NFIA: variants seen among roughly 807,000 people sequenced by gnomAD.
The protein encoded by NFIA is nuclear factor 1 A-type.
A neutral mutation model predicts 62.8 loss-of-function variants in NFIA; 8 were observed. That is an observed-to-expected ratio of 0.13 (90% CI 0.07 to 0.23). The LOEUF is 0.23. NFIA is among the 10% of genes least tolerant of loss of function. The pLI is 1.00. For synonymous variants in NFIA, 235 were observed against 238.1 expected, an observed-to-expected ratio of 0.99 and a Z score of 0.12; for missense variants, 410 against 642.1, an observed-to-expected ratio of 0.64 and a Z score of 3.91.
intron 6 of NFIA, among the ~76,000 whole-genome samples, chr1:61,361,829 G>A (rs1057351043): frequency 1.2e-4 from 16 of 134,998 alleles, no homozygotes; most frequent in African/African-American, 3.5e-4. Context: ...GTGTGTGTAC[G>A]TACACATATA....
At chr1:61,311,871 TA>T (rs1422662050) in intron 3 of NFIA, among the ~76,000 whole-genome samples, 3 of 152,204 alleles carry the variant, frequency 2.0e-5, no homozygotes, top group Admixed American at 6.5e-5. Flanking sequence ...TTCAGTATTA[TA>T]AAATAATCCA....
intron 3 of NFIA, among the ~76,000 whole-genome samples, chr1:61,283,167 T>G (rs561533762): frequency 6.6e-6 from 1 of 152,236 alleles, no homozygotes; most frequent in Non-Finnish European, 1.5e-5. Context: ...GAACAAGGAA[T>G]GTACTTCTTT....
rs570773595 is a variant in NFIA at position 61,323,959 on chromosome 1, T to G, written c.626-8553T>G. Among the ~76,000 whole-genome samples, 714 of 152,162 alleles carry G rather than the reference T, an allele frequency of 4.7e-3. 5 individuals carry two copies. The highest frequency in any genetic ancestry group is 7.0e-3 in the Admixed American group (107 of 15,288). ...TACATATAAACAAATAACTGTCCAG[T>G]CAGGTAGAAAGAGGCAAGTGCCGTA... On this transcript the variant is annotated intron_variant, in intron 3 of 10. Coordinates refer to ENST00000403491, the MANE Select transcript of NFIA (RefSeq NM_001134673.4).
intron 6 of NFIA, among the ~76,000 whole-genome samples, chr1:61,379,255 A>G (rs1392679476): frequency 6.6e-6 from 1 of 151,928 alleles, no homozygotes; most frequent in Non-Finnish European, 1.5e-5. Context: ...TTTTCAAGAT[A>G]AGGTCTCTCT....
chr1:61,447,499 C>T (rs1409491482), intron 10 of NFIA, among the ~76,000 whole-genome samples: 2 of 152,080 alleles, frequency 1.3e-5, no homozygotes, highest in African/African-American at 4.8e-5. Context: ...AGCCGCGAAA[C>T]CCCGTCGCCA....
intron 2 of NFIA, among the ~76,000 whole-genome samples, chr1:61,109,035 T>C (rs953652390): frequency 6.6e-6 from 1 of 151,884 alleles, no homozygotes; most frequent in African/African-American, 2.4e-5. Flanking sequence ...TGTGGCTCAG[T>C]CTCTTACGTT....
At chr1:61,225,782 A>G (rs1353855951) in intron 2 of NFIA, among the ~76,000 whole-genome samples, 2 of 152,040 alleles carry the variant, frequency 1.3e-5, no homozygotes, top group Non-Finnish European at 2.9e-5. Flanking sequence ...TGAGAGATTA[A>G]TTTATTTCAG....
chr1:61,269,758 C>G (rs1051732189), intron 2 of NFIA, among the ~76,000 whole-genome samples: 3 of 152,196 alleles, frequency 2.0e-5, no homozygotes, highest in African/African-American at 7.2e-5. Flanking sequence ...TTAAACTCAT[C>G]AGCATAGTCT....
intron 2 of NFIA, among the ~76,000 whole-genome samples, chr1:61,146,024 C>T (rs1647906232): frequency 6.6e-6 from 1 of 152,140 alleles, no homozygotes; most frequent in Admixed American, 6.5e-5. Context: ...GTCTCAAATC[C>T]AGTGTTACTG....
At chr1:61,406,472 T>G in intron 8 of NFIA, 90 bp from the exon 9 acceptor site, 1 of 1,079,664 alleles carries the variant, frequency 9.3e-7, no homozygotes, top group Non-Finnish European at 1.4e-6. Context: ...AGGTGCCTGA[T>G]GAATATTTTG....
rs111983532 is a variant in NFIA, at chr1:61,419,211, C to T, written c.1421-7254C>T. On this transcript the variant is annotated intron_variant, in intron 9 of 10. Coordinates refer to ENST00000403491, the MANE Select transcript of NFIA (RefSeq NM_001134673.4). Reference sequence around the variant, plus strand: ...TAATCCCAGCACTTTGGGAGGCCATCGCAGGAAGATTGCTTGAAACCAGGA... The same window carrying T: ...TAATCCCAGCACTTTGGGAGGCCATTGCAGGAAGATTGCTTGAAACCAGGA... Among the ~76,000 whole-genome samples, 676 of 152,178 alleles carry T rather than the reference C, an allele frequency of 4.4e-3. 7 individuals are homozygous for T. The highest frequency in any genetic ancestry group is 0.015 in the African/African-American group (637 of 41,520).
chr1:61,406,491 A>G (rs1413178557), intron 8 of NFIA, 71 bp from the exon 9 acceptor site: 13 of 1,317,960 alleles, frequency 9.9e-6, no homozygotes, highest in Middle Eastern at 2.4e-4. Flanking sequence ...TGTTTTCAGA[A>G]GCAGCTAATG....
chr1:61,226,994 C>T (rs896088701), intron 2 of NFIA, among the ~76,000 whole-genome samples: 1 of 152,320 alleles, frequency 6.6e-6, no homozygotes, highest in East Asian at 1.9e-4. Context: ...ATACAAACTG[C>T]ACAGCTACAC....
intron 4 of NFIA, among the ~76,000 whole-genome samples, chr1:61,335,667 A>AC (rs1197925299): frequency 6.6e-6 from 1 of 151,488 alleles, no homozygotes; most frequent in Admixed American, 6.6e-5. Context: ...ACATGGAGAA[A>AC]CCCCATCTCT....
intron 7 of NFIA, among the ~76,000 whole-genome samples, chr1:61,402,392 A>T (rs1165262866): frequency 6.6e-6 from 1 of 152,088 alleles, no homozygotes; most frequent in Non-Finnish European, 1.5e-5. Context: ...GGAGAAACCA[A>T]GTTTTGGTTT....
chr1:61,207,457 T>C (rs1000765348), intron 2 of NFIA, among the ~76,000 whole-genome samples: 3 of 152,232 alleles, frequency 2.0e-5, no homozygotes, highest in African/African-American at 4.8e-5. Flanking sequence ...GATAATTTGC[T>C]AATTCTAGCT....
intron 2 of NFIA, among the ~76,000 whole-genome samples, chr1:61,228,573 CTA>C (rs1654474207): frequency 6.6e-6 from 1 of 152,158 alleles, no homozygotes; most frequent in South Asian, 2.1e-4. Flanking sequence ...GTTCCAGAAA[CTA>C]TGAGATTTAG....
rs60735193 is a variant in NFIA, at chr1:61,379,402, C to CT, written c.947-3811dup. 8.7e-3 allele frequency among the ~76,000 whole-genome samples: 859 copies of CT among 98,188 alleles called. 6 individuals carry two copies. Among genetic ancestry groups the CT allele is most frequent in the Non-Finnish European group, 0.011 (551 of 51,210 alleles). The allele number at this position is 98,188 out of a possible 152,430, so 64.4% of individuals were successfully genotyped here. ...CACACTCAGCTAACTTTTTCTTTTT[C>CT]TTTTTTTTTTTTTTTTTTTTTTTTG... On this transcript the variant is annotated intron_variant, in intron 6 of 10. Coordinates refer to ENST00000403491, the MANE Select transcript of NFIA (RefSeq NM_001134673.4).
In NFIA at chr1:61,427,301, C is replaced by G. The variant is rs545751146; in HGVS notation, c.1512+745C>G. On this transcript the variant is annotated intron_variant, in intron 10 of 10. Transcript: ENST00000403491. ...GAAACAGTAAAAGGCTTTTTAAGTT[C>G]AAAGTTAGTATAGGTAGAGGCATTT... 2.6e-5 allele frequency among the ~76,000 whole-genome samples: 4 copies of G among 152,156 alleles called. No homozygotes were observed. In the South Asian group the frequency reaches 6.2e-4, roughly 24 times the overall value.
Sources: gnomAD v4.1 joint callset for allele counts (sites outside exome capture counted in the v4.1 genomes callset) on GRCh38, gnomAD v4.1.1 for gene constraint, MANE v1.5 for transcripts, NCBI Gene and HGNC (gene_info 2026-07-23, HGNC 2026-07-21) for gene names.